The following LDLRAD4 variants were observed in gnomAD, a reference collection of about 807,000 sequenced individuals.
LDLRAD4 encodes low-density lipoprotein receptor class A domain-containing protein 4.
A neutral mutation model predicts 17.0 loss-of-function variants in LDLRAD4; 5 were observed. That is an observed-to-expected ratio of 0.29 (90% CI 0.15 to 0.62). The LOEUF is 0.62. Among genes scored for constraint, LDLRAD4 ranks in the 20% least tolerant of loss-of-function variants. The pLI is 0.84. For synonymous variants in LDLRAD4, 168 were observed against 171.8 expected (o/e 0.98, Z 0.17); for missense variants, 340 against 424.7 (o/e 0.80, Z 1.75).
At chr18:13,516,699 A>G (rs8091197) in intron 3 of LDLRAD4, among the ~76,000 whole-genome samples, 48,000 of 152,094 alleles carry the variant, frequency 0.32, 8,069 homozygotes, top group Middle Eastern at 0.51. Flanking sequence ...ATAAGGTCAT[A>G]TAAAGGTGTT....
chr18:13,425,227 G>GA (rs2089831174), intron 2 of LDLRAD4, among the ~76,000 whole-genome samples: 1 of 152,180 alleles, frequency 6.6e-6, no homozygotes, highest in African/African-American at 2.4e-5. Context: ...AGCCTTATAG[G>GA]AAAAAATAAG....
At chr18:13,555,391 G>T (rs944976463) in intron 3 of LDLRAD4, among the ~76,000 whole-genome samples, 10 of 152,186 alleles carry the variant, frequency 6.6e-5, no homozygotes, top group Non-Finnish European at 1.3e-4. Context: ...GAAGTAAAAT[G>T]AGTCACAGCC....
chr18:13,355,552 G>A (rs778455074), intron 1 of LDLRAD4, among the ~76,000 whole-genome samples: 1 of 152,180 alleles, frequency 6.6e-6, no homozygotes, highest in Non-Finnish European at 1.5e-5. Flanking sequence ...GACTTACTAA[G>A]ACCTATGCTG....
rs534579474 is a variant in LDLRAD4 at position 13,572,326 on chromosome 18, T to C, written c.182-48791T>C. Among the ~76,000 whole-genome samples the C allele has an allele frequency of 4.6e-5, 7 of 152,352 alleles. No homozygotes were observed. In the East Asian group the frequency reaches 1.3e-3, roughly 29 times the overall value. ...ACCCCTGGCCCCCTTTGCAGCCGGCTGTCCTTCTGTGATCACTGTGAATGT... is the reference window on the plus strand; with the variant it reads ...ACCCCTGGCCCCCTTTGCAGCCGGCCGTCCTTCTGTGATCACTGTGAATGT... On this transcript the variant is annotated intron_variant, in intron 3 of 5. Coordinates refer to ENST00000359446, the Ensembl canonical transcript of LDLRAD4.
At chr18:13,591,634 G>A (rs1406602883) in intron 3 of LDLRAD4, among the ~76,000 whole-genome samples, 1 of 152,180 alleles carries the variant, frequency 6.6e-6, no homozygotes, top group African/African-American at 2.4e-5. Flanking sequence ...GATTTAGTTA[G>A]CCTGAAATGA....
intron 2 of LDLRAD4, among the ~76,000 whole-genome samples, chr18:13,411,343 C>CA (rs2088333119): frequency 7.8e-6 from 1 of 128,804 alleles, no homozygotes; most frequent in African/African-American, 2.9e-5. Flanking sequence ...ATAGTTTTGC[C>CA]GTAAGTGCTT....
intron 3 of LDLRAD4, chr18:13,611,826 G>C: frequency 4.1e-6 from 4 of 985,652 alleles, no homozygotes; most frequent in Non-Finnish European, 4.8e-6. Flanking sequence ...TTCCTGCTGC[G>C]GTTAGGACCT....
intron 3 of LDLRAD4, among the ~76,000 whole-genome samples, chr18:13,605,836 G>A (rs975093100): frequency 3.3e-5 from 5 of 152,120 alleles, no homozygotes; most frequent in South Asian, 2.1e-4. Flanking sequence ...CCAAGCCCCC[G>A]GCTTGCTCAT....
At chr18:13,580,239 C>A (rs1022290667) in intron 3 of LDLRAD4, among the ~76,000 whole-genome samples, 1 of 152,230 alleles carries the variant, frequency 6.6e-6, no homozygotes, top group Non-Finnish European at 1.5e-5. Context: ...GGATGAAGCA[C>A]CAGCTCCTGG....
At chr18:13,495,176 A>G (rs1363053214) in intron 3 of LDLRAD4, among the ~76,000 whole-genome samples, 1 of 152,190 alleles carries the variant, frequency 6.6e-6, no homozygotes, top group African/African-American at 2.4e-5. Flanking sequence ...ATTCCAGTGT[A>G]CACCAGTAAA....
chr18:13,570,475 T>A (rs2070320480), intron 3 of LDLRAD4, among the ~76,000 whole-genome samples: 1 of 152,224 alleles, frequency 6.6e-6, no homozygotes, highest in Admixed American at 6.5e-5. Flanking sequence ...AGGCGCCTCC[T>A]GCCCATTCCA....
intron 3 of LDLRAD4, among the ~76,000 whole-genome samples, chr18:13,536,318 A>G (rs933625549): frequency 8.5e-5 from 13 of 152,150 alleles, no homozygotes; most frequent in African/African-American, 2.9e-4. Context: ...TTCCTTTTAT[A>G]ATTTTCAGTG....
At chr18:13,394,868 T>G (rs546768327) in intron 2 of LDLRAD4, among the ~76,000 whole-genome samples, 1 of 152,376 alleles carries the variant, frequency 6.6e-6, no homozygotes, top group African/African-American at 2.4e-5. Flanking sequence ...ATGGAGCCAC[T>G]TAGCTCTGGA....
intron 1 of LDLRAD4, among the ~76,000 whole-genome samples, chr18:13,371,311 G>A (rs1174057970): frequency 6.6e-6 from 1 of 152,188 alleles, no homozygotes; most frequent in Admixed American, 6.5e-5. Context: ...TCTAAGAATG[G>A]GGGGCTGCCC....
intron 3 of LDLRAD4, among the ~76,000 whole-genome samples, chr18:13,610,887 T>G (rs192674219): frequency 6.6e-6 from 1 of 152,044 alleles, no homozygotes; most frequent in African/African-American, 2.4e-5. Context: ...GGGAGGGGAG[T>G]TCCATTTTTA....
At chr18:13,222,247 GT>G (rs1395609092) in intron 1 of LDLRAD4, among the ~76,000 whole-genome samples, 2 of 151,894 alleles carry the variant, frequency 1.3e-5, no homozygotes, top group Non-Finnish European at 2.9e-5. Context: ...GCTGTTCAGG[GT>G]TAAGGATCCT....
chr18:13,274,862 A>T (rs1331397142), upstream of LDLRAD4, among the ~76,000 whole-genome samples: 2 of 152,164 alleles, frequency 1.3e-5, no homozygotes, highest in Non-Finnish European at 2.9e-5. Flanking sequence ...TCATCAGTTT[A>T]AAAATGGAGT....
chr18:13,290,309 A>C (rs988432903), intron 1 of LDLRAD4, among the ~76,000 whole-genome samples: 4 of 152,190 alleles, frequency 2.6e-5, no homozygotes, highest in African/African-American at 9.7e-5. Flanking sequence ...CATACCTAAA[A>C]TGTTTGGCTT....
Position 13,450,335 on chromosome 18 carries a change from C to G in LDLRAD4, c.181+11951C>G, listed in dbSNP as rs925246926. Reference sequence around the variant, plus strand: ...TAGCTTCTCTCCCCCCACCCCCCCCCCCAAAAAAACACACAAGATCCCAAG... The same window carrying G: ...TAGCTTCTCTCCCCCCACCCCCCCCGCCAAAAAAACACACAAGATCCCAAG... On this transcript the variant is annotated intron_variant, in intron 3 of 5. Coordinates refer to ENST00000359446, the Ensembl canonical transcript of LDLRAD4. Among the ~76,000 whole-genome samples the G allele has an allele frequency of 4.9e-3, 619 of 125,864 alleles. 18 individuals carry two copies. The highest frequency in any genetic ancestry group is 0.018 in the African/African-American group (586 of 32,568). 82.6% of individuals were successfully genotyped at this position (125,864 alleles called of 152,430 possible). A position where few individuals can be genotyped will look rare whatever the true frequency, so the allele number is the denominator to read the frequency against.
Sources: gnomAD v4.1 joint callset for allele counts (sites outside exome capture counted in the v4.1 genomes callset) on GRCh38, gnomAD v4.1.1 for gene constraint, MANE v1.5 for transcripts, NCBI Gene and HGNC (gene_info 2026-07-23, HGNC 2026-07-21) for gene names.